The following TRDN variants were observed in gnomAD, a reference collection of about 807,000 sequenced individuals.
The protein encoded by TRDN is triadin in skeletal muscle.
In TRDN, 161 loss-of-function variants were observed where a neutral mutation model predicts 149.7. The observed-to-expected ratio is 1.08, with a 90% CI of 0.95 to 1.23. TRDN has a LOEUF of 1.23. Among genes scored for constraint, TRDN ranks in the 50% most tolerant of loss-of-function variants. The pLI, the probability that TRDN is intolerant of heterozygous loss-of-function variation, is 0.00. For missense variants in TRDN, 896 were observed against 823.5 expected, an observed-to-expected ratio of 1.09 and a Z score of -1.08; for synonymous variants, 294 against 250.5, an observed-to-expected ratio of 1.17 and a Z score of -1.64.
At chr6:123,394,047 G>A (rs1385548770) in intron 12 of TRDN, among the ~76,000 whole-genome samples, 1 of 152,032 alleles carries the variant, frequency 6.6e-6, no homozygotes, top group African/African-American at 2.4e-5. Flanking sequence ...AACCAAATAA[G>A]ATGACTTACT....
rs148829740 is a variant in TRDN at position 123,364,508 on chromosome 6, G to A, written c.1321+1627C>T. Among the ~76,000 whole-genome samples the A allele has an allele frequency of 5.7e-4, 86 of 152,206 alleles. No homozygotes were observed. In the East Asian group the frequency reaches 9.9e-3, roughly 17 times the overall value. ...AAAAATTAGCTGGGCGTGATGGTGCGTGCCTGTAGTCCCAGCTACTCAGGA... is the reference window on the plus strand; with the variant it reads ...AAAAATTAGCTGGGCGTGATGGTGCATGCCTGTAGTCCCAGCTACTCAGGA... On this transcript the variant is annotated intron_variant, in intron 20 of 40. Transcript: ENST00000334268.
chr6:123,326,614 A>G (rs1438999954), intron 23 of TRDN, among the ~76,000 whole-genome samples: 1 of 151,966 alleles, frequency 6.6e-6, no homozygotes, highest in East Asian at 1.9e-4. Flanking sequence ...ACAAAACTTC[A>G]TGTAGTTTAG....
chr6:123,392,391 C>T (rs1171434906), intron 13 of TRDN, among the ~76,000 whole-genome samples: 2 of 151,992 alleles, frequency 1.3e-5, no homozygotes, highest in African/African-American at 4.8e-5. Flanking sequence ...TCCACATCTA[C>T]ACTATGGTCC....
intron 2 of TRDN, among the ~76,000 whole-genome samples, chr6:123,569,018 G>C (rs1782426624): frequency 6.6e-6 from 1 of 152,162 alleles, no homozygotes; most frequent in Non-Finnish European, 1.5e-5. Flanking sequence ...CCCCTTTAAA[G>C]ATAAGTTCCA....
chr6:123,584,969 AT>A (rs1361770700), intron 1 of TRDN, among the ~76,000 whole-genome samples: 22 of 152,200 alleles, frequency 1.4e-4, no homozygotes, highest in East Asian at 1.9e-4. Flanking sequence ...TAGGCTTTAA[AT>A]GGCCATGCTG....
chr6:123,312,688 G>C (rs183834102), intron 24 of TRDN, among the ~76,000 whole-genome samples: 1 of 152,036 alleles, frequency 6.6e-6, no homozygotes, highest in Non-Finnish European at 1.5e-5. Flanking sequence ...TGAATTTCTA[G>C]CTTAAATATA....
At chr6:123,455,357 G>A (rs1013331495) in intron 10 of TRDN, among the ~76,000 whole-genome samples, 7 of 151,212 alleles carry the variant, frequency 4.6e-5, no homozygotes, top group Non-Finnish European at 1.0e-4. Flanking sequence ...GGGGTGCCAT[G>A]TCTGTTCTTT....
At chr6:123,403,940 T>C (rs949958468) in intron 12 of TRDN, among the ~76,000 whole-genome samples, 45 of 152,182 alleles carry the variant, frequency 3.0e-4, no homozygotes, top group African/African-American at 1.0e-3. Context: ...ATTCAAATTA[T>C]TATTGAAATG....
chr6:123,301,245 T>C (rs1012590241), intron 24 of TRDN, among the ~76,000 whole-genome samples: 3 of 152,002 alleles, frequency 2.0e-5, no homozygotes, highest in African/African-American at 7.2e-5. Flanking sequence ...CTATGTTTTG[T>C]AGCAAAATAA....
intron 12 of TRDN, chr6:123,411,724 T>A (rs995576595): frequency 6.6e-6 from 1 of 152,156 alleles, no homozygotes; most frequent in African/African-American, 2.4e-5. Flanking sequence ...GGTATCTTTT[T>A]AAAAAAATTC....
At chr6:123,285,363 A>G (rs901992862) in intron 24 of TRDN, among the ~76,000 whole-genome samples, 25 of 152,274 alleles carry the variant, frequency 1.6e-4, no homozygotes, top group African/African-American at 5.5e-4. Flanking sequence ...ATGGGAAAGA[A>G]TAGAGAACCC....
intron 9 of TRDN, among the ~76,000 whole-genome samples, chr6:123,481,930 C>T (rs1043002145): frequency 2.6e-5 from 4 of 152,156 alleles, no homozygotes; most frequent in African/African-American, 9.6e-5. Context: ...ATTTAGAGAT[C>T]TAATTCCTAG....
chr6:123,230,713 T>C (rs1056383541), intron 38 of TRDN, among the ~76,000 whole-genome samples: 5 of 151,966 alleles, frequency 3.3e-5, no homozygotes, highest in African/African-American at 9.7e-5. Flanking sequence ...AAAAGATTAA[T>C]TCATAATGTA....
intron 38 of TRDN, among the ~76,000 whole-genome samples, chr6:123,239,895 A>G (rs981447526): frequency 1.3e-5 from 2 of 152,044 alleles, no homozygotes; most frequent in Admixed American, 1.3e-4. Flanking sequence ...GTCCATCAAG[A>G]GTAGAACTGA....
At chr6:123,310,889 G>A (rs748619289) in intron 24 of TRDN, among the ~76,000 whole-genome samples, 2 of 151,904 alleles carry the variant, frequency 1.3e-5, no homozygotes, top group Non-Finnish European at 2.9e-5. Context: ...AAAGCAGGAA[G>A]GGACAAGTTA....
At chr6:123,632,522 G>A (rs1427056940) in intron 1 of TRDN, among the ~76,000 whole-genome samples, 1 of 151,940 alleles carries the variant, frequency 6.6e-6, no homozygotes, top group Non-Finnish European at 1.5e-5. Flanking sequence ...TCATTTAACT[G>A]TGCCTTTCAC....
chr6:123,446,502 G>A (rs938061625), intron 10 of TRDN, among the ~76,000 whole-genome samples: 13 of 148,404 alleles, frequency 8.8e-5, no homozygotes, highest in Admixed American at 1.4e-4. Context: ...GAAGAACGGC[G>A]TGAACCCAGG....
At chr6:123,409,715 A>ACCCC (rs1554233612) in intron 12 of TRDN, among the ~76,000 whole-genome samples, 1 of 151,370 alleles carries the variant, frequency 6.6e-6, no homozygotes, top group Non-Finnish European at 1.5e-5. Flanking sequence ...ACACACACAC[A>ACCCC]CCCAAAACTC....
intron 1 of TRDN, among the ~76,000 whole-genome samples, chr6:123,609,738 C>A (rs1449553551): frequency 6.6e-6 from 1 of 152,134 alleles, no homozygotes; most frequent in Non-Finnish European, 1.5e-5. Flanking sequence ...TTGTCCCTAG[C>A]CTATGGGCTG....
Sources: gnomAD v4.1 joint callset for allele counts (sites outside exome capture counted in the v4.1 genomes callset) on GRCh38, gnomAD v4.1.1 for gene constraint, MANE v1.5 for transcripts, NCBI Gene and HGNC (gene_info 2026-07-23, HGNC 2026-07-21) for gene names.